The following C1QTNF7 variants were observed in gnomAD, a reference collection of about 807,000 sequenced individuals.
C1QTNF7 encodes the protein complement C1q tumor necrosis factor-related protein 7.
In C1QTNF7, 15 loss-of-function variants were observed where a neutral mutation model predicts 19.6. The observed-to-expected ratio is 0.76, with a 90% confidence interval of 0.51 to 1.18. The LOEUF is 1.18. Ranked by LOEUF, C1QTNF7 falls within the 50% of genes most tolerant of loss-of-function variation. C1QTNF7 has a pLI of 0.00. For synonymous variants in C1QTNF7, 142 were observed against 137.5 expected, an observed-to-expected ratio of 1.03 and a Z score of -0.23; for missense variants, 324 against 359.7, an observed-to-expected ratio of 0.90 and a Z score of 0.80.
chr4:15,367,755 T>C (rs187281144), intron 1 of C1QTNF7, among the ~76,000 whole-genome samples: 3 of 152,326 alleles, frequency 2.0e-5, no homozygotes, highest in Admixed American at 2.0e-4. Context: ...ATTAAGATAA[T>C]GTCCAGAAGA....
At chr4:15,342,257 G>C (rs1716571229) in intron 1 of C1QTNF7, among the ~76,000 whole-genome samples, 1 of 152,164 alleles carries the variant, frequency 6.6e-6, no homozygotes, top group Non-Finnish European at 1.5e-5. Context: ...GAACTGCCGG[G>C]AGTGTGGCAG....
intron 1 of C1QTNF7, among the ~76,000 whole-genome samples, chr4:15,370,541 G>A (rs540124561): frequency 1.5e-4 from 23 of 152,186 alleles, no homozygotes; most frequent in Non-Finnish European, 2.8e-4. Context: ...GAGAGAGAGA[G>A]AGTGGAAAGG....
intron 1 of C1QTNF7, among the ~76,000 whole-genome samples, chr4:15,434,602 TA>T (rs1052643741): frequency 1.3e-5 from 2 of 152,162 alleles, no homozygotes; most frequent in Non-Finnish European, 2.9e-5. Context: ...TTCTTCCCTT[TA>T]AAAAACTGCT....
chr4:15,379,449 G>T (rs1344078858), intron 1 of C1QTNF7, among the ~76,000 whole-genome samples: 1 of 152,152 alleles, frequency 6.6e-6, no homozygotes, highest in Non-Finnish European at 1.5e-5. Context: ...TAACTTCAGG[G>T]ATTATAGTGT....
In C1QTNF7 at chr4:15,367,024, A is replaced by G. The variant is rs116035270; in HGVS notation, c.13+26817A>G. Among the ~76,000 whole-genome samples, 1,160 of 152,294 alleles carry G rather than the reference A, an allele frequency of 7.6e-3. 4 individuals are homozygous for G. The highest frequency in any genetic ancestry group is 0.013 in the Non-Finnish European group (882 of 68,016). On this transcript the variant is annotated intron_variant, in intron 1 of 2. Transcript: ENST00000295297. The stretch of plus-strand genomic sequence containing the variant: ...AACCATTTACATAGGGGGTGCATCT[A>G]TTTATCCATAATGAAAATTGCTGAG...
chr4:15,412,195 C>G lies in C1QTNF7; in HGVS notation c.14-23541C>G, dbSNP rs116830695. On this transcript the variant is annotated intron_variant, in intron 1 of 2. Transcript: ENST00000295297. ...TAGTAGCAGGAAAATAAGTTCAGGG[C>G]TCCCACTGATTCTACCTTATCATGA... Among the ~76,000 whole-genome samples, 717 of 152,270 alleles carry G rather than the reference C, an allele frequency of 4.7e-3. 7 individuals are homozygous for G. Among genetic ancestry groups the G allele is most frequent in the African/African-American group, 0.016 (674 of 41,540 alleles).
At chr4:15,365,278 A>G (rs560976779) in intron 1 of C1QTNF7, among the ~76,000 whole-genome samples, 1 of 152,144 alleles carries the variant, frequency 6.6e-6, no homozygotes, top group South Asian at 2.1e-4. Context: ...CTGGAAATAT[A>G]CTTGTGTACC....
chr4:15,356,036 C>A (rs762238351), intron 1 of C1QTNF7, among the ~76,000 whole-genome samples: 21 of 151,986 alleles, frequency 1.4e-4, no homozygotes, highest in Middle Eastern at 3.4e-3. Flanking sequence ...AGGGTCTTAC[C>A]AAGTTGCCCA....
At chr4:15,390,655 G>T (rs1239056819) in intron 1 of C1QTNF7, among the ~76,000 whole-genome samples, 1 of 152,146 alleles carries the variant, frequency 6.6e-6, no homozygotes, top group South Asian at 2.1e-4. Context: ...ACTTTCTCCA[G>T]TGCAAATCCA....
intron 1 of C1QTNF7, among the ~76,000 whole-genome samples, chr4:15,360,662 C>T (rs1204560378): frequency 1.3e-5 from 2 of 152,114 alleles, no homozygotes; most frequent in Non-Finnish European, 2.9e-5. Context: ...AAAAAGGACA[C>T]TTGTTTACAG....
intron 1 of C1QTNF7, among the ~76,000 whole-genome samples, chr4:15,385,262 A>C (rs1228509513): frequency 6.6e-6 from 1 of 152,170 alleles, no homozygotes; most frequent in Non-Finnish European, 1.5e-5. Flanking sequence ...AGTCCACTTG[A>C]GGGGTGACAG....
At chr4:15,433,303 C>T (rs1450875293) in intron 1 of C1QTNF7, among the ~76,000 whole-genome samples, 1 of 152,062 alleles carries the variant, frequency 6.6e-6, no homozygotes, top group Non-Finnish European at 1.5e-5. Context: ...CAGACGTGAG[C>T]CACCACACCC....
At chr4:15,375,970 C>T (rs986099699) in intron 1 of C1QTNF7, among the ~76,000 whole-genome samples, 14 of 152,186 alleles carry the variant, frequency 9.2e-5, no homozygotes, top group African/African-American at 2.9e-4. Context: ...TTCCAAGAGT[C>T]GAAAGGCTCT....
At chr4:15,388,901 C>T (rs6827129) in intron 1 of C1QTNF7, among the ~76,000 whole-genome samples, 78,765 of 151,962 alleles carry the variant, frequency 0.52, 22,015 homozygotes, top group Middle Eastern at 0.71. Flanking sequence ...ATGAGATTCA[C>T]CTCTGGAGGA....
rs1326248135 is a variant in C1QTNF7 at position 15,387,233 on chromosome 4, C to G, written c.13+47026C>G. 3.9e-5 allele frequency among the ~76,000 whole-genome samples: 6 copies of G among 152,068 alleles called. 1 individual carries two copies. The highest frequency in any genetic ancestry group is 8.8e-5 in the Non-Finnish European group (6 of 68,016). On this transcript the variant is annotated intron_variant, in intron 1 of 2. Transcript: ENST00000295297. ...TTGAGACGAGGAAGTGTGTGGGGGACAGGTTGAGAGAGAGCAAGAGAAGGT... is the reference window on the plus strand; with the variant it reads ...TTGAGACGAGGAAGTGTGTGGGGGAGAGGTTGAGAGAGAGCAAGAGAAGGT...
chr4:15,355,131 A>G (rs1343794240), intron 1 of C1QTNF7, among the ~76,000 whole-genome samples: 3 of 152,162 alleles, frequency 2.0e-5, no homozygotes, highest in Non-Finnish European at 4.4e-5. Flanking sequence ...CAATAGAAAC[A>G]TGAGGATCTG....
chr4:15,389,765 C>T (rs1718485715), intron 1 of C1QTNF7, among the ~76,000 whole-genome samples: 1 of 152,100 alleles, frequency 6.6e-6, no homozygotes, highest in African/African-American at 2.4e-5. Context: ...TCTAGGGTGC[C>T]TTCCTTGATC....
intron 1 of C1QTNF7, among the ~76,000 whole-genome samples, chr4:15,411,427 C>G (rs1235319209): frequency 6.6e-6 from 1 of 152,176 alleles, no homozygotes; most frequent in East Asian, 1.9e-4. Flanking sequence ...GCTGTTGGAT[C>G]TCTTTAAAAC....
intron 1 of C1QTNF7, among the ~76,000 whole-genome samples, chr4:15,431,364 C>T (rs536102587): frequency 3.3e-5 from 5 of 152,232 alleles, no homozygotes; most frequent in Admixed American, 6.5e-5. Context: ...TCAAGAAACT[C>T]GCACAGGTGA....
Sources: allele counts gnomAD v4.1 joint callset (sites outside exome capture counted in the v4.1 genomes callset), GRCh38; gene constraint gnomAD v4.1.1; transcripts MANE v1.5; gene names NCBI Gene and HGNC (gene_info 2026-07-23, HGNC 2026-07-21).